CNBD2: variants seen among roughly 807,000 people sequenced by gnomAD.
CNBD2 encodes cyclic nucleotide binding domain containing 2.
A neutral mutation model predicts 63.7 loss-of-function variants in CNBD2; 64 were observed. The observed-to-expected ratio is 1.00, with a 90% CI of 0.82 to 1.24. The LOEUF (loss-of-function observed/expected upper bound fraction) is 1.24. Among genes scored for constraint, CNBD2 ranks in the 50% most tolerant of loss-of-function variants. CNBD2 has a pLI of 0.00. For missense variants in CNBD2, 691 were observed against 713.5 expected (o/e 0.97, Z 0.36); for synonymous variants, 229 against 255.4 (o/e 0.90, Z 0.99).
intron 10 of CNBD2, among the ~76,000 whole-genome samples, chr20:36,021,462 T>G (rs1312437202): frequency 6.6e-6 from 1 of 152,228 alleles, no homozygotes; most frequent in African/African-American, 2.4e-5. Flanking sequence ...TCCAGTGAAC[T>G]GTATGCTTAA....
upstream of CNBD2, among the ~76,000 whole-genome samples, chr20:35,964,537 C>G (rs2056330573): frequency 6.6e-6 from 1 of 150,616 alleles, no homozygotes; most frequent in Admixed American, 6.6e-5. Flanking sequence ...ACTACAGGCG[C>G]CTGCCACCAC....
chr20:36,015,579 T>C (rs563380110), intron 10 of CNBD2, among the ~76,000 whole-genome samples: 28 of 152,232 alleles, frequency 1.8e-4, no homozygotes, highest in African/African-American at 6.7e-4. Flanking sequence ...ATATTGTAAA[T>C]GCCAGAAAGT....
intron 5 of CNBD2, 98 bp downstream of exon 5, chr20:35,984,236 A>T: frequency 7.7e-7 from 1 of 1,296,224 alleles, no homozygotes; most frequent in South Asian, 1.5e-5. Context: ...CCTGCCTAGT[A>T]CTCTGTACAA....
At chr20:36,003,636 A>T (rs1482238299) in intron 8 of CNBD2, among the ~76,000 whole-genome samples, 1 of 152,150 alleles carries the variant, frequency 6.6e-6, no homozygotes, top group African/African-American at 2.4e-5. Flanking sequence ...ATTTGGGGTG[A>T]TTCTTTCCCC....
chr20:35,970,054 G>A (rs1025411183), intron 1 of CNBD2, among the ~76,000 whole-genome samples: 1 of 152,224 alleles, frequency 6.6e-6, no homozygotes, highest in African/African-American at 2.4e-5. Flanking sequence ...ACTTTGGGAG[G>A]CTGAGGTGGA....
intron 8 of CNBD2, among the ~76,000 whole-genome samples, chr20:36,002,428 C>T (rs991941523): frequency 3.3e-5 from 5 of 151,580 alleles, no homozygotes; most frequent in Admixed American, 6.6e-5. Context: ...GAGAGGGAGA[C>T]GGAGAAGGAG....
chr20:36,012,664 A>G (rs765161888), intron 10 of CNBD2, among the ~76,000 whole-genome samples: 4 of 151,606 alleles, frequency 2.6e-5, no homozygotes, highest in Non-Finnish European at 4.4e-5. Context: ...TGTCTCTACT[A>G]AAAATGCAAA....
intron 7 of CNBD2, among the ~76,000 whole-genome samples, chr20:35,993,573 C>G (rs530447015): frequency 1.3e-5 from 2 of 152,208 alleles, no homozygotes; most frequent in Admixed American, 6.5e-5. Flanking sequence ...TAAAAAGTTA[C>G]AAGAGTCTGT....
chr20:35,975,915 A>T (rs1202107950), intron 2 of CNBD2, 34 bp from the exon 3 acceptor site: 2 of 1,601,314 alleles, frequency 1.2e-6, no homozygotes, highest in African/African-American at 1.3e-5. Context: ...AGTCTTGCTG[A>T]TTCTCCCTCT....
At chr20:35,956,763 A>G (rs541193452), downstream of CNBD2, among the ~76,000 whole-genome samples, 65 of 152,286 alleles carry the variant, frequency 4.3e-4, no homozygotes, top group African/African-American at 1.5e-3. Flanking sequence ...TGTGGAGGCA[A>G]GAGGTGATAG....
At chr20:36,000,840 G>A (rs1313538447) in intron 8 of CNBD2, among the ~76,000 whole-genome samples, 3 of 151,390 alleles carry the variant, frequency 2.0e-5, no homozygotes. Context: ...TGGAGGGAAG[G>A]TCAGCAGATA....
At chr20:36,007,607 C>T (rs1028014098) in intron 8 of CNBD2, among the ~76,000 whole-genome samples, 3 of 152,172 alleles carry the variant, frequency 2.0e-5, no homozygotes, top group Admixed American at 6.6e-5. Flanking sequence ...ACTACAGCCT[C>T]AACTTCCTGG....
At chr20:35,968,083 T>C (rs6058383), upstream of CNBD2, among the ~76,000 whole-genome samples, 40,326 of 151,874 alleles carry the variant, frequency 0.27, 6,421 homozygotes, top group African/African-American at 0.45. Flanking sequence ...TTTATGCTCA[T>C]CTCTAATCCC....
intron 8 of CNBD2, among the ~76,000 whole-genome samples, chr20:36,000,800 G>A (rs962119742): frequency 6.8e-6 from 1 of 147,128 alleles, no homozygotes; most frequent in African/African-American, 2.6e-5. Context: ...TTCTCGCAGA[G>A]GGGGATTTGG....
chr20:35,970,879 C>T (rs2056403866), intron 1 of CNBD2, among the ~76,000 whole-genome samples: 1 of 152,070 alleles, frequency 6.6e-6, no homozygotes, highest in Non-Finnish European at 1.5e-5. Flanking sequence ...CTGTGCCTAG[C>T]TAACGATGTA....
At chr20:36,011,637 C>T (rs1259340848) in intron 10 of CNBD2, among the ~76,000 whole-genome samples, 2 of 152,042 alleles carry the variant, frequency 1.3e-5, no homozygotes, top group Non-Finnish European at 2.9e-5. Flanking sequence ...TATTGAAAGT[C>T]CTAGCTAGTC....
intron 2 of CNBD2, among the ~76,000 whole-genome samples, chr20:35,961,315 T>G (rs1430049174): frequency 6.6e-6 from 1 of 152,228 alleles, no homozygotes; most frequent in Non-Finnish European, 1.5e-5. Flanking sequence ...AGGCTAGCTT[T>G]CTTTTTGATG....
At chr20:35,968,980 A>G (rs977732251) in intron 1 of CNBD2, among the ~76,000 whole-genome samples, 167 bp downstream of exon 1, 5 of 152,124 alleles carry the variant, frequency 3.3e-5, no homozygotes, top group Admixed American at 3.3e-4. Flanking sequence ...CCTGTAGCCT[A>G]CCAGCCCCCC....
Position 35,980,562 on chromosome 20 carries a change from G to A in CNBD2, c.347G>A (p.Ser116Asn). 1 of 1,614,184 alleles carries A rather than the reference G, an allele frequency of 6.2e-7. No homozygotes were observed. Among genetic ancestry groups the A allele is most frequent in the Non-Finnish European group, 8.5e-7 (1 of 1,180,044 alleles). ...AVCNILQVLD[S>N]YRNYAEPLQL... ...TGTAACATCTTGCAGGTTCTGGATA[G>A]CTATCGGAACTACGCAGAGCCCCTG... Residue 116 changes from serine to asparagine, a missense_variant, in exon 4 of 12, where the codon AGC becomes AAC. By Grantham distance (46) the Ser-to-Asn change is conservative. Transcript: ENST00000373973.
Sources: allele counts gnomAD v4.1 joint callset (sites outside exome capture counted in the v4.1 genomes callset), GRCh38; gene constraint gnomAD v4.1.1; transcripts MANE v1.5; gene names NCBI Gene and HGNC (gene_info 2026-07-23, HGNC 2026-07-21).